PTPRE: variants seen among roughly 807,000 people sequenced by gnomAD.
PTPRE encodes the protein receptor-type tyrosine-protein phosphatase epsilon.
PTPRE carries 51 observed loss-of-function variants against 102.0 expected under a neutral mutation model. The observed-to-expected ratio is 0.50, with a 90% CI of 0.40 to 0.63. PTPRE has a LOEUF of 0.63. PTPRE is among the 30% of genes least tolerant of loss of function. The probability of loss-of-function intolerance (pLI) is 0.00; values close to 1 mark genes in which losing one functional copy is unlikely to be tolerated. For synonymous variants in PTPRE, 345 were observed against 348.2 expected (o/e 0.99, Z 0.10); for missense variants, 752 against 915.1 (o/e 0.82, Z 2.30).
intron 1 of PTPRE, among the ~76,000 whole-genome samples, chr10:127,924,049 G>A (rs1210870730): frequency 3.3e-5 from 5 of 152,216 alleles, no homozygotes; most frequent in Non-Finnish European, 5.9e-5. Context: ...CTTAACCGTG[G>A]TGCATGGCAG....
chr10:128,054,513 G>A (rs1348937298), intron 6 of PTPRE, among the ~76,000 whole-genome samples: 1 of 152,090 alleles, frequency 6.6e-6, no homozygotes, highest in Non-Finnish European at 1.5e-5. Context: ...CTGGGGATGA[G>A]GCCAAGAACC....
Position 128,061,031 on chromosome 10 carries a change from T to C in PTPRE, c.588+16T>C. On this transcript the variant is annotated intron_variant, in intron 8 of 20. Transcript: ENST00000254667. ...CTACATAGATGTAAGTGGGCAGAGGTTTCTTGTTCCCCTGGCCCAGCTGGG... is the reference window on the plus strand; with the variant it reads ...CTACATAGATGTAAGTGGGCAGAGGCTTCTTGTTCCCCTGGCCCAGCTGGG... 6.2e-7 allele frequency: 1 copy of C among 1,612,586 alleles called. No homozygotes were observed. The highest frequency in any genetic ancestry group is 1.1e-5 in the South Asian group (1 of 91,032).
chr10:128,011,748 A>T (rs57239035), intron 2 of PTPRE, among the ~76,000 whole-genome samples: 4 of 152,154 alleles, frequency 2.6e-5, no homozygotes, highest in South Asian at 2.1e-4. Context: ...TCCCCCCTCC[A>T]CCCCAAGAGG....
intron 2 of PTPRE, among the ~76,000 whole-genome samples, chr10:128,039,094 T>A (rs899437391): frequency 6.6e-6 from 1 of 152,236 alleles, no homozygotes; most frequent in Non-Finnish European, 1.5e-5. Context: ...TGGAATTGTA[T>A]TAAACCAATT....
chr10:127,954,928 CAAT>C (rs1000541666), intron 1 of PTPRE, among the ~76,000 whole-genome samples: 4 of 151,624 alleles, frequency 2.6e-5, no homozygotes, highest in South Asian at 2.1e-4. Context: ...GGAGACACAA[CAAT>C]GATTCCACTC....
chr10:127,994,780 G>T (rs547980221), intron 2 of PTPRE, among the ~76,000 whole-genome samples: 7 of 152,232 alleles, frequency 4.6e-5, no homozygotes, highest in African/African-American at 1.7e-4. Flanking sequence ...CTGACTCCCT[G>T]CTGGAACGTA....
At chr10:128,057,007 G>A (rs1354187247) in intron 7 of PTPRE, among the ~76,000 whole-genome samples, 1 of 152,100 alleles carries the variant, frequency 6.6e-6, no homozygotes, top group African/African-American at 2.4e-5. Context: ...CCTGAAGTCA[G>A]GAGTTCAAGA....
chr10:128,024,395 T>G (rs1190778498), intron 2 of PTPRE, among the ~76,000 whole-genome samples: 1 of 152,248 alleles, frequency 6.6e-6, no homozygotes, highest in Admixed American at 6.5e-5. Context: ...CTTTAGGGTC[T>G]GAGAAAGCGT....
chr10:127,983,504 C>T (rs1851809394), intron 2 of PTPRE, among the ~76,000 whole-genome samples: 1 of 152,162 alleles, frequency 6.6e-6, no homozygotes, highest in Non-Finnish European at 1.5e-5. Context: ...CCCTGATAGC[C>T]TCAGAATCCT....
At chr10:128,004,455 G>A (rs1230817088) in intron 2 of PTPRE, among the ~76,000 whole-genome samples, 4 of 152,074 alleles carry the variant, frequency 2.6e-5, no homozygotes, top group African/African-American at 9.7e-5. Flanking sequence ...CCAATCAGCT[G>A]TCCATCTGTA....
rs1241679089 is a variant in PTPRE at position 127,939,325 on chromosome 10, T to G, written c.-31+32016T>G. 2.0e-5 allele frequency among the ~76,000 whole-genome samples: 3 copies of G among 152,256 alleles called. No homozygotes were observed. The South Asian group carries it at 6.2e-4, about 31-fold the overall frequency. On this transcript the variant is annotated intron_variant, in intron 1 of 20. Coordinates refer to ENST00000254667, the MANE Select transcript of PTPRE (RefSeq NM_006504.6). Reference sequence around the variant, plus strand: ...GCTTTACTTTTAAAACTTCCCGTTCTGCTGTAGCAAACTTCCCATTCTGCT... The same window carrying G: ...GCTTTACTTTTAAAACTTCCCGTTCGGCTGTAGCAAACTTCCCATTCTGCT...
rs556012012 is a variant in PTPRE at position 127,935,171 on chromosome 10, G to A, written c.-31+27862G>A. Among the ~76,000 whole-genome samples, 171 of 152,250 alleles carry A rather than the reference G, an allele frequency of 1.1e-3. 1 individual carries two copies. Among genetic ancestry groups the A allele is most frequent in the African/African-American group, 3.9e-3 (163 of 41,544 alleles). On this transcript the variant is annotated intron_variant, in intron 1 of 20. Transcript: ENST00000254667. ...TCTGAGTCTGTCGGGTGTGGGCTCC[G>A]GGCTCCACCCTGCTTCTTCCTTAGC...
chr10:128,066,651 G>A (rs1176392044), intron 11 of PTPRE, among the ~76,000 whole-genome samples: 1 of 152,194 alleles, frequency 6.6e-6, no homozygotes, highest in Non-Finnish European at 1.5e-5. Flanking sequence ...GTAAAAATAT[G>A]TGTATGCAAA....
At chr10:128,041,376 G>A (rs191381496) in intron 3 of PTPRE, among the ~76,000 whole-genome samples, 38 of 152,286 alleles carry the variant, frequency 2.5e-4, no homozygotes, top group African/African-American at 7.2e-4. Flanking sequence ...TAGGCCGGGT[G>A]CGGTGGCTCA....
At chr10:128,044,843 A>G (rs1470846158) in intron 3 of PTPRE, among the ~76,000 whole-genome samples, 1 of 152,250 alleles carries the variant, frequency 6.6e-6, no homozygotes, top group Non-Finnish European at 1.5e-5. Flanking sequence ...CCTGGTCCAC[A>G]CCATTTAAAA....
chr10:127,983,245 T>C lies in PTPRE; in HGVS notation c.-8+949T>C, dbSNP rs11015992. Among the ~76,000 whole-genome samples the C allele has an allele frequency of 3.2e-4, 49 of 152,362 alleles. No individual in the cohort carries two copies. The East Asian group carries it at 8.9e-3, about 28-fold the overall frequency. ...AAATGCATTTTGACTGTGTGGATTG[T>C]TTCTTTCTTTCTTGATAAGGAATGT... is the stretch of plus-strand genomic sequence containing the variant. On this transcript the variant is annotated intron_variant, in intron 2 of 20. Coordinates refer to ENST00000254667, the MANE Select transcript of PTPRE (RefSeq NM_006504.6).
At chr10:128,006,820 T>C (rs1854598778) in intron 2 of PTPRE, among the ~76,000 whole-genome samples, 1 of 152,196 alleles carries the variant, frequency 6.6e-6, no homozygotes, top group Admixed American at 6.5e-5. Flanking sequence ...AAGAAAAGTA[T>C]TTCTGTCATG....
At chr10:128,036,393 G>A (rs1479367228) in intron 2 of PTPRE, among the ~76,000 whole-genome samples, 1 of 151,984 alleles carries the variant, frequency 6.6e-6, no homozygotes, top group Non-Finnish European at 1.5e-5. Context: ...CCTCTCTAAT[G>A]CAACCTTTCA....
At chr10:127,967,860 C>T (rs747394469) in intron 1 of PTPRE, among the ~76,000 whole-genome samples, 4 of 152,170 alleles carry the variant, frequency 2.6e-5, no homozygotes, top group South Asian at 2.1e-4. Context: ...AGATTAGTTT[C>T]GCCTGCTTTC....
Sources: gnomAD v4.1 joint callset for allele counts (sites outside exome capture counted in the v4.1 genomes callset) on GRCh38, gnomAD v4.1.1 for gene constraint, MANE v1.5 for transcripts, NCBI Gene and HGNC (gene_info 2026-07-23, HGNC 2026-07-21) for gene names.